The following PARD3B variants were observed in gnomAD, a reference collection of about 807,000 sequenced individuals.
PARD3B encodes the protein par-3 family cell polarity regulator beta.
PARD3B carries 103 observed loss-of-function variants against 130.2 expected under a neutral mutation model. The observed-to-expected ratio is 0.79, with a 90% CI of 0.67 to 0.93. PARD3B has a LOEUF of 0.93. Ranked by LOEUF, PARD3B falls within the 40% of genes least tolerant of loss-of-function variation. The pLI is 0.00. For synonymous variants in PARD3B, 583 were observed against 553.2 expected (o/e 1.05, Z -0.76); for missense variants, 1,609 against 1,499.2 (o/e 1.07, Z -1.21).
intron 21 of PARD3B, among the ~76,000 whole-genome samples, chr2:205,510,994 C>T (rs769888945): frequency 8.5e-5 from 13 of 152,104 alleles, no homozygotes; most frequent in Non-Finnish European, 1.3e-4. Flanking sequence ...TACTGACTCC[C>T]GGTGAAAAGA....
chr2:205,126,618 C>T (rs1169866108), intron 10 of PARD3B, among the ~76,000 whole-genome samples: 1 of 151,070 alleles, frequency 6.6e-6, no homozygotes, highest in Non-Finnish European at 1.5e-5. Context: ...CGGTGGCGGG[C>T]ACCTGTAGTC....
intron 21 of PARD3B, among the ~76,000 whole-genome samples, chr2:205,518,129 A>C (rs1314303934): frequency 6.6e-6 from 1 of 152,054 alleles, no homozygotes; most frequent in Non-Finnish European, 1.5e-5. Context: ...TCAGGTCCTG[A>C]ATATCTTTGT....
intron 1 of PARD3B, among the ~76,000 whole-genome samples, chr2:204,653,096 C>T (rs965063884): frequency 6.6e-6 from 1 of 150,846 alleles, no homozygotes; most frequent in African/African-American, 2.5e-5. Flanking sequence ...CTCATGGACA[C>T]AACAGACACT....
chr2:204,857,884 CA>C (rs1159776177), intron 2 of PARD3B, among the ~76,000 whole-genome samples: 1 of 152,118 alleles, frequency 6.6e-6, no homozygotes, highest in Non-Finnish European at 1.5e-5. Flanking sequence ...TTCTGAACCC[CA>C]TTAAGAGCTC....
At chr2:205,035,798 C>CAA (rs1697782953) in intron 3 of PARD3B, among the ~76,000 whole-genome samples, 1 of 18,896 alleles carries the variant, frequency 5.3e-5, no homozygotes, top group African/African-American at 1.3e-4. Flanking sequence ...AGATATATCT[C>CAA]ATATATATAT....
rs76946999 is a variant in PARD3B at position 205,543,981 on chromosome 2, T to C, written c.3181-9343T>C. 2.3e-4 allele frequency among the ~76,000 whole-genome samples: 35 copies of C among 152,340 alleles called. 1 individual carries two copies. In the East Asian group the frequency reaches 6.0e-3, roughly 26 times the overall value. On this transcript the variant is annotated intron_variant, in intron 21 of 22. Transcript: ENST00000406610. ...GTATAAGAAATAATATGAACTAGTA[T>C]ATCATTTAAGAATTGAACATATTTT...
rs533659362 is a variant in PARD3B, at chr2:204,746,551, T to C, written c.222+60269T>C. On this transcript the variant is annotated intron_variant, in intron 2 of 22. Transcript: ENST00000406610. ...TTCTAGTTCTAGATCCTTGAAGAAT[T>C]GCCACACTGTCTTCCACAATGGTTG... Among the ~76,000 whole-genome samples the C allele has an allele frequency of 2.9e-3, 448 of 152,234 alleles. 1 individual carries two copies. The highest frequency in any genetic ancestry group is 9.5e-3 in the African/African-American group (396 of 41,542).
In PARD3B at chr2:204,996,616, G is replaced by A. The variant is rs1472734164; in HGVS notation, c.394+31293G>A. ...AGTTGTGGTGGGCTCCACCCAGTTC[G>A]AGCTTCCCGGCTGCTTTGTTTACCT... On this transcript the variant is annotated intron_variant, in intron 3 of 22. Coordinates refer to ENST00000406610, the MANE Select transcript of PARD3B (RefSeq NM_001302769.2). 5.3e-5 allele frequency among the ~76,000 whole-genome samples: 8 copies of A among 151,186 alleles called. No individual in the cohort carries two copies. The East Asian group carries it at 1.2e-3, about 22-fold the overall frequency.
chr2:205,022,747 TC>T (rs1696713256), intron 3 of PARD3B, among the ~76,000 whole-genome samples: 5 of 152,146 alleles, frequency 3.3e-5, no homozygotes, highest in Admixed American at 2.0e-4. Context: ...ATACGATCAT[TC>T]ATTAAGTAAT....
In PARD3B at chr2:204,938,604, AC is replaced by A. The variant is rs1191477695; in HGVS notation, c.223-26547del. Among the ~76,000 whole-genome samples the A allele has an allele frequency of 5.9e-5, 9 of 152,286 alleles. No individual in the cohort carries two copies. The East Asian group carries it at 9.7e-4, about 16-fold the overall frequency. On this transcript the variant is annotated intron_variant, in intron 2 of 22. Coordinates refer to ENST00000406610, the MANE Select transcript of PARD3B (RefSeq NM_001302769.2). Reference sequence around the variant, plus strand: ...CATTTATCTCATACTTTTCTTATTCACTAGACTAGGGCTTCTCAACCATGGA... The same window carrying A: ...CATTTATCTCATACTTTTCTTATTCATAGACTAGGGCTTCTCAACCATGGA...
intron 18 of PARD3B, among the ~76,000 whole-genome samples, chr2:205,350,649 G>A (rs1489366104): frequency 6.6e-6 from 1 of 151,462 alleles, no homozygotes; most frequent in Non-Finnish European, 1.5e-5. Context: ...TATTTTTATG[G>A]TACCTTAATA....
chr2:205,492,225 G>A (rs1321148725), intron 20 of PARD3B, among the ~76,000 whole-genome samples: 1 of 152,176 alleles, frequency 6.6e-6, no homozygotes, highest in Non-Finnish European at 1.5e-5. Flanking sequence ...GAGGTATCAT[G>A]TCAGAGATAA....
In PARD3B at chr2:205,276,794, A is replaced by G. The variant is rs1441951237; in HGVS notation, c.2186-23736A>G. Among the ~76,000 whole-genome samples the G allele has an allele frequency of 2.6e-5, 4 of 152,166 alleles. No homozygotes were observed. Among genetic ancestry groups the G allele is most frequent in the Non-Finnish European group, 5.9e-5 (4 of 68,028 alleles). ...TATAGATTGGTGGTTAACCACATGG[A>G]TATTGCTGTCAGACCTGGGTTTGAG... On this transcript the variant is annotated intron_variant, in intron 16 of 22. Transcript: ENST00000406610. The surrounding 1 kb of genome is among the most constrained non-coding windows in gnomAD (Gnocchi z 5.0).
chr2:204,845,396 A>G (rs1436337992), intron 2 of PARD3B, among the ~76,000 whole-genome samples: 1 of 152,158 alleles, frequency 6.6e-6, no homozygotes, highest in African/African-American at 2.4e-5. Flanking sequence ...TGCTTATAAA[A>G]GTTTTTTTAA....
At chr2:204,831,507 C>T (rs545341771) in intron 2 of PARD3B, among the ~76,000 whole-genome samples, 24 of 152,110 alleles carry the variant, frequency 1.6e-4, no homozygotes, top group Non-Finnish European at 2.9e-4. Flanking sequence ...TTAGCAGAAA[C>T]GTTAAAATCA....
intron 2 of PARD3B, among the ~76,000 whole-genome samples, chr2:204,773,734 G>A (rs2041492240): frequency 6.6e-6 from 1 of 151,938 alleles, no homozygotes; most frequent in South Asian, 2.1e-4. Flanking sequence ...CAACATTATC[G>A]TTTTGGACCA....
chr2:204,579,305 C>CT (rs908400565), intron 1 of PARD3B, among the ~76,000 whole-genome samples: 5 of 151,832 alleles, frequency 3.3e-5, no homozygotes, highest in Non-Finnish European at 7.4e-5. Flanking sequence ...AATCCAGGGT[C>CT]TAGTAAGGCC....
At chr2:204,747,029 G>A (rs2040262897) in intron 2 of PARD3B, among the ~76,000 whole-genome samples, 1 of 152,074 alleles carries the variant, frequency 6.6e-6, no homozygotes, top group African/African-American at 2.4e-5. Flanking sequence ...TGCTTTTGGT[G>A]TTTTAGACAT....
intron 22 of PARD3B, among the ~76,000 whole-genome samples, chr2:205,586,222 C>G (rs900495940): frequency 6.6e-6 from 1 of 152,164 alleles, no homozygotes; most frequent in Non-Finnish European, 1.5e-5. Flanking sequence ...CCATAAAAAG[C>G]CAATTCTCAG....
Sources: allele counts gnomAD v4.1 joint callset (sites outside exome capture counted in the v4.1 genomes callset), GRCh38; gene constraint gnomAD v4.1.1; non-coding constraint Gnocchi (gnomAD v3.1); transcripts MANE v1.5; gene names NCBI Gene and HGNC (gene_info 2026-07-23, HGNC 2026-07-21).